Variants in TOP3A observed in about 807,000 individuals in gnomAD.
TOP3A encodes DNA topoisomerase III alpha.
Under a neutral mutation model 111.3 loss-of-function variants are expected in TOP3A, and 64 were observed. That is an observed-to-expected ratio of 0.57 (90% CI 0.47 to 0.71). The LOEUF is 0.71. Ranked by LOEUF, TOP3A falls within the 30% of genes least tolerant of loss-of-function variation. The pLI is 0.00. For missense variants in TOP3A, 1,104 were observed against 1,285.0 expected (o/e 0.86, Z 2.15); for synonymous variants, 484 against 485.1 (o/e 1.00, Z 0.03).
In TOP3A at chr17:18,311,349, A is replaced by G. The variant is rs535840343; in HGVS notation, c.181-2408T>C. ...CACTCTGTCGCCCAGGCTGTAATGT[A>G]ATGGCGCAATCTAGGCTCACTGCAA... On this transcript the variant is annotated intron_variant, in intron 1 of 18. Transcript: ENST00000321105. 6.6e-5 allele frequency among the ~76,000 whole-genome samples: 10 copies of G among 151,854 alleles called. No individual in the cohort carries two copies. In the South Asian group the frequency reaches 2.1e-3, roughly 32 times the overall value.
chr17:18,299,660 T>C (rs754353539), intron 8 of TOP3A, 27 bp from the exon 9 acceptor site: 19 of 1,601,086 alleles, frequency 1.2e-5, no homozygotes, highest in Admixed American at 6.7e-5. Flanking sequence ...GAAAAGACCA[T>C]GTTAACCTGT....
chr17:18,286,012 C>G (rs1047096927), intron 13 of TOP3A, among the ~76,000 whole-genome samples: 1 of 151,728 alleles, frequency 6.6e-6, no homozygotes, highest in Admixed American at 6.6e-5. Context: ...CCAGCCTGGC[C>G]AACATGCTGA....
intron 5 of TOP3A, among the ~76,000 whole-genome samples, chr17:18,304,730 A>C (rs1351432939): frequency 6.6e-6 from 1 of 152,164 alleles, no homozygotes; most frequent in Non-Finnish European, 1.5e-5. Context: ...CAAATACTAA[A>C]AGAATTCAAT....
Position 18,290,665 on chromosome 17 carries a change from C to T in TOP3A, c.1489G>A (p.Gly497Arg), listed in dbSNP as rs780415014. The T allele has an allele frequency of 6.2e-7, 1 of 1,606,630 alleles. No homozygotes were observed. The highest frequency in any genetic ancestry group is 1.1e-5 in the South Asian group (1 of 90,348). ...SDKILPVYEQ[G>R]SHFQPSTVEM... ...ACGGTGCTGGGCTGAAAGTGGGATCCTTGCTCATAGACAGGGAGGATCTAC... is the reference window on the plus strand; with the variant it reads ...ACGGTGCTGGGCTGAAAGTGGGATCTTTGCTCATAGACAGGGAGGATCTAC... The change falls in exon 13 of 19, where the codon GGA becomes AGA. Residue 497 changes from glycine to arginine, a missense_variant. Physicochemically the swap from Gly to Arg is moderately radical, Grantham distance 125. Transcript: ENST00000321105.
rs748364139 is a variant in TOP3A, at chr17:18,280,587, G to T, written c.2093C>A (p.Ala698Asp). ...AVWLPDSVLE[A>D]SRDSSVCPVC... ...TGGACACACACTGCTGTCCCTGCTG[G>T]CCTCCAGCACCGAGTCAGGAAGCCA... The change falls in exon 17 of 19, where the codon GCC becomes GAC. Residue 698 changes from alanine (A) to aspartate (D), a missense_variant. Ala to Asp is a moderately radical substitution (Grantham distance 126). Coordinates refer to ENST00000321105, the MANE Select transcript of TOP3A (RefSeq NM_004618.5). The T allele has an allele frequency of 2.5e-6, 4 of 1,613,982 alleles. No individual in the cohort carries two copies. The South Asian group carries it at 4.4e-5, about 18-fold the overall frequency.
intron 8 of TOP3A, among the ~76,000 whole-genome samples, chr17:18,301,075 C>T (rs936564767): frequency 1.3e-5 from 2 of 152,216 alleles, no homozygotes; most frequent in Non-Finnish European, 2.9e-5. Flanking sequence ...TTATCACATC[C>T]CTTTGCCTAA....
At position 18,298,863 on chromosome 17, in the gene TOP3A, C is replaced by G. The variant is rs564505112; in HGVS notation, c.990+696G>C. On this transcript the variant is annotated intron_variant, in intron 9 of 18. Transcript: ENST00000321105. ...ACAGATGCTTGAAGGCAGCATGCTC[C>G]TTAAGAGTCATCACCACTCCCTAAT... Among the ~76,000 whole-genome samples the G allele has an allele frequency of 3.0e-3, 456 of 152,010 alleles. 3 individuals carry two copies. The highest frequency in any genetic ancestry group is 0.01 in the African/African-American group (421 of 41,430).
chr17:18,288,417 T>C (rs970232007), intron 13 of TOP3A, among the ~76,000 whole-genome samples: 11 of 152,066 alleles, frequency 7.2e-5, no homozygotes, highest in Non-Finnish European at 1.0e-4. Flanking sequence ...GCTGGGATTA[T>C]AGGTGTGAGA....
chr17:18,308,223 C>CAAAA lies in TOP3A; in HGVS notation c.314+124_314+127dup, dbSNP rs201230376. Reference sequence around the variant, plus strand: ...TCTCACTCTGAAACTTTGTCTCCAACAAAAAAAAAAAAAAAAAAAAAAAAA... The same window carrying CAAAA: ...TCTCACTCTGAAACTTTGTCTCCAACAAAAAAAAAAAAAAAAAAAAAAAAAAAAA... On this transcript the variant is annotated intron_variant, in intron 3 of 18. Transcript: ENST00000321105. 1.7e-4 allele frequency: 43 copies of CAAAA among 245,750 alleles called. 3 individuals are homozygous for CAAAA. The highest frequency in any genetic ancestry group is 9.1e-4 in the East Asian group (8 of 8,822). 15.2% of individuals were successfully genotyped at this position (245,750 alleles called of 1,614,324 possible).
At position 18,314,836 on chromosome 17, in the gene TOP3A, G is replaced by A. The variant is rs981047938; in HGVS notation, c.-58C>T. On this transcript the variant is annotated 5_prime_UTR_variant, in exon 1 of 19. Coordinates refer to ENST00000321105, the MANE Select transcript of TOP3A (RefSeq NM_004618.5). Reference sequence around the variant, plus strand: ...CTGCCGGCGCATCCTGGGGAAGCCAGAGATGAGGCTCAAATGGCGCCCACC... The same window carrying A: ...CTGCCGGCGCATCCTGGGGAAGCCAAAGATGAGGCTCAAATGGCGCCCACC... 7.0e-7 allele frequency: 1 copy of A among 1,434,600 alleles called. No individual in the cohort carries two copies. The highest frequency in any genetic ancestry group is 2.6e-5 in the Admixed American group (1 of 37,862). The allele number at this position is 1,434,600 out of a possible 1,614,324, so 88.9% of individuals were successfully genotyped here. A position where few individuals can be genotyped will look rare whatever the true frequency, so the allele number is the denominator to read the frequency against.
rs1195571585 is a variant in TOP3A, at chr17:18,308,356, T to C, written c.309A>G (p.Arg103=). 2 of 1,599,976 alleles carry C rather than the reference T, an allele frequency of 1.3e-6. No homozygotes were observed. The highest frequency in any genetic ancestry group is 1.7e-6 in the Non-Finnish European group (2 of 1,170,988). Residue 103 remains arginine (R), a synonymous_variant, in exon 3 of 19, where the codon CGA becomes CGG. Transcript: ENST00000321105. ...LLAHDFQMQF[R]KWQSCNPLVL... Reference sequence around the variant, plus strand: ...CCCTTGAGAATTGTACTGACCATTTTCGAAACTGCATCTGGAAATCATGAG... The same window carrying C: ...CCCTTGAGAATTGTACTGACCATTTCCGAAACTGCATCTGGAAATCATGAG...
rs1981292007 is a variant in TOP3A at position 18,302,436 on chromosome 17, T to G, written c.644-2A>C. ...TCTGGAACCTAGTAAAGGCAGCTCC[T>G]GGAGAGTGAAGGAGAGTGAAGGAAG... is the stretch of plus-strand genomic sequence containing the variant. On this transcript the variant is annotated splice_acceptor_variant, in intron 6 of 18. Transcript: ENST00000321105. LOFTEE classifies it high-confidence loss of function. 6.2e-7 allele frequency: 1 copy of G among 1,602,040 alleles called. No individual in the cohort carries two copies. The highest frequency in any genetic ancestry group is 8.5e-7 in the Non-Finnish European group (1 of 1,173,108).
At position 18,282,642 on chromosome 17, in the gene TOP3A, G is replaced by A. The variant is rs548891695; in HGVS notation, c.2021+56C>T. The stretch of plus-strand genomic sequence containing the variant: ...GAAATGGCAGGGTCTTTCGAGCTAC[G>A]GCTGACACCGCAGGTGCTGGGGAGC... On this transcript the variant is annotated intron_variant, in intron 16 of 18. Coordinates refer to ENST00000321105, the MANE Select transcript of TOP3A (RefSeq NM_004618.5). 1.7e-5 allele frequency: 28 copies of A among 1,606,666 alleles called. No individual in the cohort carries two copies. In the Middle Eastern group the frequency reaches 1.1e-3, roughly 63 times the overall value.
At chr17:18,290,533 G>A (rs370635851) in intron 13 of TOP3A, 24 bp downstream of exon 13, 77 of 1,542,286 alleles carry the variant, frequency 5.0e-5, no homozygotes, top group Middle Eastern at 1.7e-4. Flanking sequence ...CAAGAGATGC[G>A]AGTTACCCAG....
rs1236326409 is a variant in TOP3A, at chr17:18,276,613, G to A, written c.2827+1062C>T. Among the ~76,000 whole-genome samples, 7 of 152,342 alleles carry A rather than the reference G, an allele frequency of 4.6e-5. No individual in the cohort carries two copies. The East Asian group carries it at 1.2e-3, about 25-fold the overall frequency. Reference sequence around the variant, plus strand: ...TCTTGTTGAGCAAACTTGAGGCAGAGAGGCTAAGTCATTTGTTCAAGGTTA... The same window carrying A: ...TCTTGTTGAGCAAACTTGAGGCAGAAAGGCTAAGTCATTTGTTCAAGGTTA... On this transcript the variant is annotated intron_variant, in intron 18 of 18. Coordinates refer to ENST00000321105, the MANE Select transcript of TOP3A (RefSeq NM_004618.5).
At chr17:18,286,066 G>A (rs976282878) in intron 13 of TOP3A, among the ~76,000 whole-genome samples, 1 of 152,034 alleles carries the variant, frequency 6.6e-6, no homozygotes, top group Non-Finnish European at 1.5e-5. Context: ...AGGGTGTGGC[G>A]GCACGCACCT....
chr17:18,279,817 G>C (rs965524748), intron 17 of TOP3A, among the ~76,000 whole-genome samples: 1 of 152,192 alleles, frequency 6.6e-6, no homozygotes, highest in Non-Finnish European at 1.5e-5. Flanking sequence ...CTCCTGACCA[G>C]CTTGGCCTAT....
At position 18,308,932 on chromosome 17, in the gene TOP3A, G is replaced by C. The variant is rs150497993; in HGVS notation, c.190C>G (p.Leu64Val). Residue 64 changes from leucine (L) to valine (V), a missense_variant, in exon 2 of 19, where the codon CTT (leucine) becomes GTT (valine). By Grantham distance (32) the Leu-to-Val change is conservative. Coordinates refer to ENST00000321105, the MANE Select transcript of TOP3A (RefSeq NM_004618.5). ...SNGRMRRREG[L>V]SKFNKIYEFD... ...TCATAGATCTTGTTGAATTTTGAAA[G>C]TCCTTCTCTCTATAAAACAAAAATA... The C allele has an allele frequency of 1.3e-6, 2 of 1,544,090 alleles. No homozygotes were observed. The highest frequency in any genetic ancestry group is 1.8e-6 in the Non-Finnish European group (2 of 1,134,318).
chr17:18,306,927 A>T lies in TOP3A; in HGVS notation c.354T>A (p.Ile118=). The T allele has an allele frequency of 1.2e-6, 2 of 1,613,994 alleles. No individual in the cohort carries two copies. The change falls in exon 4 of 19, where the codon ATT becomes ATA. Residue 118 remains isoleucine, a synonymous_variant. Transcript: ENST00000321105. ...CAAAATTCTCTGGGCAGTACTTTTC[A>T]ATTTCTGCTTCAAAGAGGACAAGAG... ...CNPLVLFEAE[I]EKYCPENFVD...
Sources: gnomAD v4.1 joint callset for allele counts (sites outside exome capture counted in the v4.1 genomes callset) on GRCh38, gnomAD v4.1.1 for gene constraint, MANE v1.5 for transcripts, NCBI Gene and HGNC (gene_info 2026-07-23, HGNC 2026-07-21) for gene names.